SCAI: variants seen among roughly 807,000 people sequenced by gnomAD.
SCAI encodes suppressor of cancer cell invasion.
Under a neutral mutation model 92.2 loss-of-function variants are expected in SCAI, and 24 were observed. That is an observed-to-expected ratio of 0.26 (90% confidence interval 0.19 to 0.37). SCAI has a LOEUF of 0.37. Ranked by LOEUF, SCAI falls within the 10% of genes least tolerant of loss-of-function variation. The pLI is 1.00. For synonymous variants in SCAI, 261 were observed against 258.6 expected (o/e 1.01, Z -0.09); for missense variants, 450 against 736.2 (o/e 0.61, Z 4.50).
intron 9 of SCAI, among the ~76,000 whole-genome samples, chr9:125,009,377 C>T (rs975142851): frequency 4.6e-5 from 7 of 152,182 alleles, no homozygotes; most frequent in African/African-American, 1.7e-4. Context: ...CCAAGCAATT[C>T]TCCTGCCTCA....
At chr9:125,064,328 T>C (rs1318019138) in intron 2 of SCAI, among the ~76,000 whole-genome samples, 1 of 152,140 alleles carries the variant, frequency 6.6e-6, no homozygotes. Flanking sequence ...CACATACCCA[T>C]GGAGCAATCA....
At chr9:125,034,101 C>T (rs1235224816) in intron 3 of SCAI, among the ~76,000 whole-genome samples, 1 of 152,092 alleles carries the variant, frequency 6.6e-6, no homozygotes, top group Non-Finnish European at 1.5e-5. Flanking sequence ...GTTACTATCC[C>T]TTAGGCCTGG....
At chr9:125,013,512 A>G (rs2131061127) in intron 9 of SCAI, among the ~76,000 whole-genome samples, 1 of 152,374 alleles carries the variant, frequency 6.6e-6, no homozygotes, top group African/African-American at 2.4e-5. Context: ...GACCAGTAAC[A>G]GGCTCTGAAA....
intron 9 of SCAI, among the ~76,000 whole-genome samples, chr9:125,006,462 T>C (rs577483741): frequency 1.3e-5 from 2 of 152,330 alleles, no homozygotes; most frequent in Non-Finnish European, 2.9e-5. Context: ...CAAAGGAATA[T>C]GTAGAAAATA....
At chr9:124,961,541 T>C (rs970334449) in intron 17 of SCAI, among the ~76,000 whole-genome samples, 4 of 150,124 alleles carry the variant, frequency 2.7e-5, no homozygotes, top group African/African-American at 9.8e-5. Flanking sequence ...TCCCAGCTAC[T>C]CGGGAGGCTG....
At chr9:124,978,301 C>T (rs1588128304) in intron 14 of SCAI, among the ~76,000 whole-genome samples, 1 of 152,186 alleles carries the variant, frequency 6.6e-6, no homozygotes, top group East Asian at 1.9e-4. Context: ...ATTAGCTGGG[C>T]GTGGTAGCGC....
intron 2 of SCAI, among the ~76,000 whole-genome samples, chr9:125,102,390 C>T (rs1479002008): frequency 1.3e-5 from 2 of 152,122 alleles, no homozygotes; most frequent in Admixed American, 1.3e-4. Flanking sequence ...TCATTTTCCC[C>T]TGCAGCCTCT....
At chr9:124,989,174 A>C (rs1832061368) in intron 14 of SCAI, among the ~76,000 whole-genome samples, 2 of 152,112 alleles carry the variant, frequency 1.3e-5, no homozygotes, top group South Asian at 4.1e-4. Context: ...CCAGGAAACG[A>C]TATTGAGAAA....
At chr9:125,028,342 T>C (rs1564384593) in intron 5 of SCAI, 50 bp downstream of exon 5, 2 of 1,013,492 alleles carry the variant, frequency 2.0e-6, no homozygotes, top group Admixed American at 1.9e-5. Context: ...TTCTGCATGC[T>C]GTGTTTTAAT....
At chr9:124,965,380 C>T (rs1215034685) in intron 17 of SCAI, among the ~76,000 whole-genome samples, 2 of 152,074 alleles carry the variant, frequency 1.3e-5, no homozygotes, top group Non-Finnish European at 2.9e-5. Context: ...ACTACAGGCT[C>T]ACGCCACGAC....
chr9:125,077,005 A>G (rs1163637960), intron 2 of SCAI, among the ~76,000 whole-genome samples: 2 of 151,918 alleles, frequency 1.3e-5, no homozygotes, highest in African/African-American at 4.8e-5. Context: ...CCCAGCAGAA[A>G]CTCCATTTTT....
At chr9:125,131,678 T>C (rs1835403951) in intron 2 of SCAI, among the ~76,000 whole-genome samples, 1 of 152,146 alleles carries the variant, frequency 6.6e-6, no homozygotes, top group Admixed American at 6.5e-5. Flanking sequence ...GAGTCTGCTT[T>C]CACAGAACTG....
At chr9:125,059,714 G>A (rs998042137) in intron 2 of SCAI, among the ~76,000 whole-genome samples, 18 of 152,262 alleles carry the variant, frequency 1.2e-4, no homozygotes, top group Admixed American at 1.1e-3. Flanking sequence ...TTTATCCTGA[G>A]GTTAACTGTC....
chr9:125,113,550 A>C (rs1348208740), intron 2 of SCAI, among the ~76,000 whole-genome samples: 1 of 152,200 alleles, frequency 6.6e-6, no homozygotes, highest in Admixed American at 6.5e-5. Flanking sequence ...TTTCAGTTAA[A>C]AATTTTAAAA....
intron 2 of SCAI, among the ~76,000 whole-genome samples, chr9:125,069,490 T>C (rs1833935578): frequency 6.7e-6 from 1 of 148,818 alleles, no homozygotes; most frequent in African/African-American, 2.5e-5. Flanking sequence ...GCTAATATTT[T>C]TGTATTTTTA....
chr9:125,023,763 C>A (rs1436037191), intron 6 of SCAI, among the ~76,000 whole-genome samples: 2 of 152,206 alleles, frequency 1.3e-5, no homozygotes, highest in South Asian at 2.1e-4. Flanking sequence ...TTAGCTGATC[C>A]TTATATTCAA....
intron 2 of SCAI, chr9:125,065,884 G>A: frequency 1.6e-6 from 1 of 623,258 alleles, no homozygotes; most frequent in South Asian, 2.0e-5. Flanking sequence ...TTTAACATTG[G>A]CTCACAATTA....
intron 9 of SCAI, among the ~76,000 whole-genome samples, chr9:125,005,926 G>C (rs76532498): frequency 0.029 from 4,411 of 152,082 alleles, 228 homozygotes; most frequent in African/African-American, 0.097. Flanking sequence ...AAGAATTCAC[G>C]GCCATATGCT....
intron 14 of SCAI, among the ~76,000 whole-genome samples, chr9:124,977,402 C>G (rs866675300): frequency 6.6e-6 from 1 of 151,952 alleles, no homozygotes; most frequent in South Asian, 2.1e-4. Context: ...CAGTGAGGCC[C>G]GGCACAGTGG....
Sources: gnomAD v4.1 joint callset for allele counts (sites outside exome capture counted in the v4.1 genomes callset) on GRCh38, gnomAD v4.1.1 for gene constraint, MANE v1.5 for transcripts, NCBI Gene and HGNC (gene_info 2026-07-23, HGNC 2026-07-21) for gene names.